Variants in DNASE2B observed in about 807,000 individuals in gnomAD.
DNASE2B encodes the protein deoxyribonuclease-2-beta.
In DNASE2B, 43 loss-of-function variants were observed where a neutral mutation model predicts 46.0. The observed-to-expected ratio is 0.94, with a 90% CI of 0.73 to 1.21. The LOEUF (loss-of-function observed/expected upper bound fraction) is 1.21, where lower values mean the gene tolerates loss of function less well. Among genes scored for constraint, DNASE2B ranks in the 50% most tolerant of loss-of-function variants. DNASE2B has a pLI of 0.00. For synonymous variants in DNASE2B, 156 were observed against 152.5 expected (o/e 1.02, Z -0.17); for missense variants, 395 against 414.4 (o/e 0.95, Z 0.41).
chr1:84,413,325 T>C (rs1025331741), intron 5 of DNASE2B, among the ~76,000 whole-genome samples: 1 of 152,204 alleles, frequency 6.6e-6, no homozygotes, highest in Non-Finnish European at 1.5e-5. Flanking sequence ...CCAATGGCTG[T>C]CTTAGATGAC....
chr1:84,407,481 T>A (rs1680510867), intron 2 of DNASE2B, among the ~76,000 whole-genome samples: 3 of 152,152 alleles, frequency 2.0e-5, no homozygotes, highest in Admixed American at 2.0e-4. Context: ...AAAAAAAATT[T>A]TATCACATCA....
chr1:84,404,776 C>T (rs12125825), intron 2 of DNASE2B, among the ~76,000 whole-genome samples: 2,225 of 152,306 alleles, frequency 0.015, 21 homozygotes, highest in South Asian at 0.03. Flanking sequence ...GTTGCCCAGG[C>T]CTTCTTATTG....
intron 2 of DNASE2B, among the ~76,000 whole-genome samples, chr1:84,406,672 G>C (rs893696717): frequency 3.3e-5 from 5 of 152,208 alleles, no homozygotes; most frequent in African/African-American, 1.2e-4. Flanking sequence ...GCCAAAAGAA[G>C]AGAGCAACAG....
chr1:84,399,547 A>T (rs12144715), intron 1 of DNASE2B, among the ~76,000 whole-genome samples: 11,963 of 152,276 alleles, frequency 0.079, 591 homozygotes, highest in African/African-American at 0.13. Flanking sequence ...AACTTCTCTA[A>T]GGATGTAATT....
chr1:84,411,443 TGTGTGTGTG>T (rs1680592399), intron 4 of DNASE2B, among the ~76,000 whole-genome samples: 1 of 17,596 alleles, frequency 5.7e-5, no homozygotes, highest in African/African-American at 2.3e-4. Context: ...TGTGTGTGTG[TGTGTGTGTG>T]TGTGTGTGTG....
At chr1:84,406,071 G>GTT (rs144937477) in intron 2 of DNASE2B, among the ~76,000 whole-genome samples, 4 of 147,248 alleles carry the variant, frequency 2.7e-5, no homozygotes, top group Non-Finnish European at 4.5e-5. Flanking sequence ...TCATCTGTGA[G>GTT]TTTTTTTTTT....
intron 2 of DNASE2B, among the ~76,000 whole-genome samples, chr1:84,404,369 T>G (rs2101848846): frequency 6.6e-6 from 1 of 152,346 alleles, no homozygotes; most frequent in Admixed American, 6.5e-5. Context: ...GAAGTCATGC[T>G]CAACATCTGA....
intron 1 of DNASE2B, among the ~76,000 whole-genome samples, chr1:84,399,094 G>A (rs910211258): frequency 7.2e-5 from 11 of 152,342 alleles, no homozygotes; most frequent in African/African-American, 2.6e-4. Flanking sequence ...TGGAGCATGT[G>A]CTGCTCCTTA....
chr1:84,402,122 A>G, intron 2 of DNASE2B, 44 bp downstream of exon 2: 1 of 1,534,008 alleles, frequency 6.5e-7, no homozygotes, highest in Non-Finnish European at 8.7e-7. Flanking sequence ...TATAAAATGC[A>G]TAAAACTGAA....
chr1:84,403,300 C>T (rs1433394354), intron 2 of DNASE2B, among the ~76,000 whole-genome samples: 1 of 152,172 alleles, frequency 6.6e-6, no homozygotes, highest in Non-Finnish European at 1.5e-5. Flanking sequence ...CTGATAACAT[C>T]AGTTTGACTG....
intron 4 of DNASE2B, 46 bp downstream of exon 4, chr1:84,411,045 A>C: frequency 6.5e-7 from 1 of 1,541,712 alleles, no homozygotes; most frequent in African/African-American, 1.4e-5. Context: ...TATGTTGAAG[A>C]AATGATTTGG....
At chr1:84,401,570 G>T (rs1558497164) in intron 1 of DNASE2B, among the ~76,000 whole-genome samples, 1 of 152,188 alleles carries the variant, frequency 6.6e-6, no homozygotes, top group Non-Finnish European at 1.5e-5. Context: ...CAACTGCATG[G>T]TCTGGGCCTT....
At chr1:84,398,802 A>G (rs1460772848) in intron 1 of DNASE2B, 113 bp downstream of exon 1, 32 of 1,458,790 alleles carry the variant, frequency 2.2e-5, no homozygotes, top group Non-Finnish European at 2.9e-5. Flanking sequence ...TCCCTTTACA[A>G]ATAAAGGAAG....
rs777386983 is a variant in DNASE2B, at chr1:84,412,470, C to A, written c.669C>A (p.Gly223=). ...CTRASSSEIP[G]RLLTTLQSAQ... The stretch of plus-strand genomic sequence containing the variant: ...GGGCCAGCTCATCAGAGATTCCTGG[C>A]AGGCTCCTCACCACACTTCAGTCGG... Residue 223 remains glycine (G), a synonymous_variant, in exon 5 of 6, where the codon GGC becomes GGA. Transcript: ENST00000370665. 3.7e-6 allele frequency: 6 copies of A among 1,613,986 alleles called. No individual in the cohort carries two copies. The South Asian group carries it at 5.5e-5, about 15-fold the overall frequency.
At chr1:84,408,559 C>A in intron 3 of DNASE2B, 41 bp downstream of exon 3, 1 of 1,550,454 alleles carries the variant, frequency 6.4e-7, no homozygotes, top group South Asian at 1.2e-5. Flanking sequence ...TACTGGAAAT[C>A]AACAATTTCT....
chr1:84,404,087 T>G (rs1411720720), intron 2 of DNASE2B, among the ~76,000 whole-genome samples: 1 of 151,812 alleles, frequency 6.6e-6, no homozygotes, highest in Non-Finnish European at 1.5e-5. Context: ...ATTATACACA[T>G]GAGACACTGC....
chr1:84,408,409 C>T (rs1348981568), intron 2 of DNASE2B, 28 bp from the exon 3 acceptor site: 1 of 1,581,726 alleles, frequency 6.3e-7, no homozygotes, highest in Non-Finnish European at 8.6e-7. Context: ...AAGATTTACG[C>T]CATTATAACC....
At chr1:84,414,420 A>G (rs1160485627) in intron 5 of DNASE2B, 108 bp from the exon 6 acceptor site, 1 of 906,308 alleles carries the variant, frequency 1.1e-6, no homozygotes, top group Non-Finnish European at 1.6e-6. Context: ...TGTGCTCGTG[A>G]CATCCACATA....
intron 2 of DNASE2B, among the ~76,000 whole-genome samples, chr1:84,408,078 T>C (rs1354398383): frequency 6.6e-6 from 1 of 152,206 alleles, no homozygotes; most frequent in African/African-American, 2.4e-5. Flanking sequence ...TGGTTGTTCC[T>C]ACTTCATTTC....
Sources: gnomAD v4.1 joint callset for allele counts (sites outside exome capture counted in the v4.1 genomes callset) on GRCh38, gnomAD v4.1.1 for gene constraint, MANE v1.5 for transcripts, NCBI Gene and HGNC (gene_info 2026-07-23, HGNC 2026-07-21) for gene names.